Variants in TULP4 observed in about 807,000 individuals in gnomAD.
TULP4 encodes TUB like protein 4.
TULP4 carries 16 observed loss-of-function variants against 129.0 expected under a neutral mutation model. That is an observed-to-expected ratio of 0.12 (90% CI 0.08 to 0.19). TULP4 has a LOEUF of 0.19. Ranked by LOEUF, TULP4 falls within the 10% of genes least tolerant of loss-of-function variation. The pLI, the probability that TULP4 is intolerant of heterozygous loss-of-function variation, is 1.00. For missense variants in TULP4, 1,842 were observed against 2,059.1 expected (o/e 0.89, Z 2.04); for synonymous variants, 998 against 854.0 (o/e 1.17, Z -2.94).
rs557678837 is a variant in TULP4 at position 158,427,471 on chromosome 6, C to CTT, written c.382-2225_382-2224dup. ...AAATTCCTTTTCAAAATTATCAGAC[C>CTT]TTTTTTTTTTTTTTTTTTTTTTTTT... On this transcript the variant is annotated intron_variant, in intron 2 of 13. Coordinates refer to ENST00000367097, the MANE Select transcript of TULP4 (RefSeq NM_020245.5). Among the ~76,000 whole-genome samples the CTT allele has an allele frequency of 8.9e-3, 662 of 74,108 alleles. 133 individuals are homozygous for CTT. Among genetic ancestry groups the CTT allele is most frequent in the African/African-American group, 0.011 (180 of 16,100 alleles). The allele number at this position is 74,108 out of a possible 152,430, so 48.6% of individuals were successfully genotyped here.
chr6:158,247,978 C>G (rs1438047358), intron 1 of TULP4, among the ~76,000 whole-genome samples: 1 of 152,148 alleles, frequency 6.6e-6, no homozygotes, highest in African/African-American at 2.4e-5. Context: ...AAATTCAGCT[C>G]CAGTGGTTAG....
rs188459563 is a variant in TULP4 at position 158,508,107 on chromosome 6, A to G, written c.*1413A>G. 1.3e-4 allele frequency: 20 copies of G among 152,328 alleles called. No homozygotes were observed. Among genetic ancestry groups the G allele is most frequent in the Admixed American group, 3.9e-4 (6 of 15,300 alleles). 9.4% of individuals were successfully genotyped at this position (152,328 alleles called of 1,614,324 possible). On this transcript the variant is annotated 3_prime_UTR_variant, in exon 14 of 14. Coordinates refer to ENST00000367097, the MANE Select transcript of TULP4 (RefSeq NM_020245.5). Reference sequence around the variant, plus strand: ...CTCGTCCTCGTGAGAACCTGTGGGCAGTATTCAAGCCCTGATGACAAAACC... The same window carrying G: ...CTCGTCCTCGTGAGAACCTGTGGGCGGTATTCAAGCCCTGATGACAAAACC...
intron 1 of TULP4, among the ~76,000 whole-genome samples, chr6:158,363,327 A>C (rs1255505740): frequency 6.6e-6 from 1 of 152,240 alleles, no homozygotes; most frequent in African/African-American, 2.4e-5. Context: ...GATCGCAGCA[A>C]GGGAACTAAC....
At chr6:158,467,691 T>C (rs1440886651) in intron 6 of TULP4, among the ~76,000 whole-genome samples, 1 of 152,228 alleles carries the variant, frequency 6.6e-6, no homozygotes, top group African/African-American at 2.4e-5. Flanking sequence ...AAATTCATTG[T>C]GCCTTAAAAA....
At chr6:158,482,494 G>C (rs1377140252) in intron 8 of TULP4, among the ~76,000 whole-genome samples, 1 of 152,184 alleles carries the variant, frequency 6.6e-6, no homozygotes, top group Non-Finnish European at 1.5e-5. Flanking sequence ...AATTGGGGCT[G>C]GTAGGGAGGC....
At chr6:158,244,361 A>G (rs577031456) in intron 1 of TULP4, among the ~76,000 whole-genome samples, 2 of 152,334 alleles carry the variant, frequency 1.3e-5, no homozygotes, top group Non-Finnish European at 2.9e-5. Flanking sequence ...AAATAAATAG[A>G]ATTCAGAGCT....
At chr6:158,332,699 T>G (rs1547816) in intron 1 of TULP4, among the ~76,000 whole-genome samples, 131,000 of 152,120 alleles carry the variant, frequency 0.86, 56,844 homozygotes, top group South Asian at 0.93. Context: ...TGCTGGGCTA[T>G]TGGATAGGCG....
At position 158,478,286 on chromosome 6, in the gene TULP4, C is replaced by T. The variant is rs146317222; in HGVS notation, c.1027-1465C>T. Among the ~76,000 whole-genome samples the T allele has an allele frequency of 3.9e-5, 6 of 152,286 alleles. No individual in the cohort carries two copies. The East Asian group carries it at 1.2e-3, about 29-fold the overall frequency. ...AAAACCATTTTTTGGGGGACTTGAG[C>T]TCTAAGTTATGAATATTGTCTTAGG... On this transcript the variant is annotated intron_variant, in intron 6 of 13. Transcript: ENST00000367097.
intron 6 of TULP4, among the ~76,000 whole-genome samples, chr6:158,462,747 CTTTTTTT>C (rs56829575): frequency 4.7e-5 from 6 of 127,854 alleles, no homozygotes; most frequent in Admixed American, 8.1e-5. Context: ...TTTTTTTTTC[CTTTTTTT>C]TTTTTTTTTT....
At chr6:158,324,330 C>A (rs1243898831) in intron 1 of TULP4, among the ~76,000 whole-genome samples, 5 of 152,102 alleles carry the variant, frequency 3.3e-5, no homozygotes, top group African/African-American at 1.2e-4. Flanking sequence ...TTTTTTTAGA[C>A]CAAGTCTGAA....
intron 1 of TULP4, among the ~76,000 whole-genome samples, chr6:158,362,515 A>G (rs1395727071): frequency 6.6e-6 from 1 of 151,776 alleles, no homozygotes; most frequent in Non-Finnish European, 1.5e-5. Context: ...ATGCCCAGCT[A>G]ATTTTGGTAT....
intron 1 of TULP4, among the ~76,000 whole-genome samples, chr6:158,408,623 C>T (rs1778019069): frequency 6.6e-6 from 1 of 152,042 alleles, no homozygotes; most frequent in Non-Finnish European, 1.5e-5. Context: ...GTCCTGGTGG[C>T]CACAGCTGTG....
Position 158,377,140 on chromosome 6 carries a change from T to C in TULP4, c.253-35925T>C, listed in dbSNP as rs1777208080. ...AATTTTAATGGGCAGTGGGAAGCCA[T>C]TGAGATTTCTGTACAGAGAGCAGTC... On this transcript the variant is annotated intron_variant, in intron 1 of 13. Coordinates refer to ENST00000367097, the MANE Select transcript of TULP4 (RefSeq NM_020245.5). 3.3e-5 allele frequency among the ~76,000 whole-genome samples: 5 copies of C among 152,316 alleles called. No individual in the cohort carries two copies. In the South Asian group the frequency reaches 1.0e-3, roughly 32 times the overall value.
upstream of TULP4, among the ~76,000 whole-genome samples, chr6:158,308,800 C>T: frequency 6.8e-6 from 1 of 146,216 alleles, no homozygotes; most frequent in African/African-American, 2.5e-5. Flanking sequence ...GCTGGCCGGG[C>T]AGAGGGGCTC....
At chr6:158,312,419 A>C (rs1779376974), upstream of TULP4, 1 of 283,050 alleles carries the variant, frequency 3.5e-6, no homozygotes, top group Non-Finnish European at 6.4e-6. Flanking sequence ...CTCCAGTTTA[A>C]AGAAGGAACT....
intron 1 of TULP4, among the ~76,000 whole-genome samples, chr6:158,319,981 C>G (rs1318859292): frequency 1.3e-5 from 2 of 152,130 alleles, no homozygotes; most frequent in African/African-American, 4.8e-5. Context: ...AAAAAAGAAC[C>G]ACTACCACAA....
chr6:158,330,532 T>C (rs1256126152), intron 1 of TULP4, among the ~76,000 whole-genome samples: 1 of 152,240 alleles, frequency 6.6e-6, no homozygotes, highest in Non-Finnish European at 1.5e-5. Flanking sequence ...TCTTCCCCCC[T>C]GGATCATTTG....
At chr6:158,487,754 G>A (rs1278006266) in intron 8 of TULP4, among the ~76,000 whole-genome samples, 3 of 152,276 alleles carry the variant, frequency 2.0e-5, no homozygotes, top group Non-Finnish European at 2.9e-5. Flanking sequence ...GTGCCTGCAC[G>A]TGTGGAATTG....
intron 1 of TULP4, among the ~76,000 whole-genome samples, chr6:158,321,407 A>G (rs1779625912): frequency 1.3e-5 from 2 of 152,058 alleles, no homozygotes; most frequent in African/African-American, 2.4e-5. Flanking sequence ...ATGACTCCAG[A>G]TACCTCTCTC....
Sources: allele counts gnomAD v4.1 joint callset (sites outside exome capture counted in the v4.1 genomes callset), GRCh38; gene constraint gnomAD v4.1.1; transcripts MANE v1.5; gene names NCBI Gene and HGNC (gene_info 2026-07-23, HGNC 2026-07-21).